Variants in DGKB observed in about 807,000 individuals in gnomAD.
DGKB encodes 90 kDa diacylglycerol kinase.
A neutral mutation model predicts 114.3 loss-of-function variants in DGKB; 67 were observed. The observed-to-expected ratio is 0.59, with a 90% CI of 0.48 to 0.72. DGKB has a LOEUF of 0.72. Ranked by LOEUF, DGKB falls within the 30% of genes least tolerant of loss-of-function variation. The pLI is 0.00. For synonymous variants in DGKB, 398 were observed against 323.1 expected (o/e 1.23, Z -2.49); for missense variants, 907 against 975.2 (o/e 0.93, Z 0.93).
intron 4 of DGKB, among the ~76,000 whole-genome samples, chr7:14,743,330 CTGTT>C (rs751813262): frequency 6.6e-6 from 1 of 152,256 alleles, no homozygotes; most frequent in South Asian, 2.1e-4. Context: ...AGGAGACAAA[CTGTT>C]TGGAAAGCTA....
At chr7:14,349,844 G>A (rs1336315232) in intron 21 of DGKB, among the ~76,000 whole-genome samples, 2 of 152,032 alleles carry the variant, frequency 1.3e-5, no homozygotes, top group African/African-American at 4.8e-5. Context: ...ACTCAAATTT[G>A]TCAGTGAAAA....
rs369641581 is a variant in DGKB at position 14,373,119 on chromosome 7, C to T, written c.1836-27728G>A. Among the ~76,000 whole-genome samples, 21 of 152,218 alleles carry T rather than the reference C, an allele frequency of 1.4e-4. No individual in the cohort carries two copies. In the East Asian group the frequency reaches 1.5e-3, roughly 11 times the overall value. Reference sequence around the variant, plus strand: ...TTCTTGCACATTGAATGACAAAATTCGAGTTAACGGCCACTGTGTCATCTT... The same window carrying T: ...TTCTTGCACATTGAATGACAAAATTTGAGTTAACGGCCACTGTGTCATCTT... On this transcript the variant is annotated intron_variant, in intron 21 of 25. Coordinates refer to ENST00000402815, the MANE Select transcript of DGKB (RefSeq NM_001350709.2).
At chr7:14,298,804 G>T (rs555012546) in intron 23 of DGKB, among the ~76,000 whole-genome samples, 2 of 152,198 alleles carry the variant, frequency 1.3e-5, no homozygotes, top group African/African-American at 4.8e-5. Flanking sequence ...CTGACAAAGG[G>T]CTAATATCCA....
intron 1 of DGKB, among the ~76,000 whole-genome samples, chr7:14,857,248 C>CTGTGTGTTTGTGTGTGTGTGTGTGTGTG (rs1554308182): frequency 4.2e-5 from 1 of 23,538 alleles, no homozygotes; most frequent in African/African-American, 3.6e-4. Flanking sequence ...CAACCCCCTG[C>CTGTGTGTTTGTGTGTGTGTGTGTGTGTG]TGTGTGTGTT....
At chr7:14,295,745 G>A (rs1002817796) in intron 23 of DGKB, among the ~76,000 whole-genome samples, 1 of 152,032 alleles carries the variant, frequency 6.6e-6, no homozygotes, top group Non-Finnish European at 1.5e-5. Context: ...TCGGATACAT[G>A]TGCAGAACAT....
rs973763000 is a variant in DGKB, at chr7:14,299,534, T to C, written c.2122+38981A>G. Among the ~76,000 whole-genome samples the C allele has an allele frequency of 2.6e-5, 4 of 152,282 alleles. No homozygotes were observed. The South Asian group carries it at 6.2e-4, about 24-fold the overall frequency. On this transcript the variant is annotated intron_variant, in intron 23 of 25. Transcript: ENST00000402815. ...CTAAATTAACTTAACACTACAAAGA[T>C]GCTTCATGCAGACCAACAAGAACAA...
At chr7:14,627,664 C>A (rs148201914) in intron 14 of DGKB, among the ~76,000 whole-genome samples, 136 of 151,816 alleles carry the variant, frequency 9.0e-4, no homozygotes, top group African/African-American at 3.2e-3. Flanking sequence ...AGACTTTGGG[C>A]TAGGCGCGGT....
intron 13 of DGKB, among the ~76,000 whole-genome samples, chr7:14,658,108 G>A (rs527310853): frequency 3.3e-5 from 5 of 152,016 alleles, no homozygotes; most frequent in South Asian, 2.1e-4. Context: ...AAGCAAGATC[G>A]GAAGAAGAGG....
intron 21 of DGKB, among the ~76,000 whole-genome samples, chr7:14,424,768 A>G (rs1827243523): frequency 6.6e-6 from 1 of 152,108 alleles, no homozygotes; most frequent in Non-Finnish European, 1.5e-5. Flanking sequence ...GTGAGGCTCA[A>G]GGGTTTGAAA....
At chr7:14,408,358 C>T (rs1824297932) in intron 21 of DGKB, among the ~76,000 whole-genome samples, 2 of 152,028 alleles carry the variant, frequency 1.3e-5, no homozygotes, top group South Asian at 4.1e-4. Flanking sequence ...AAGGACATTT[C>T]TGAAATCAAT....
At chr7:14,393,177 G>C (rs536926957) in intron 21 of DGKB, among the ~76,000 whole-genome samples, 1 of 151,606 alleles carries the variant, frequency 6.6e-6, no homozygotes, top group East Asian at 2.0e-4. Context: ...TTTTAGTAGA[G>C]ACGGGGTTTC....
chr7:14,154,693 A>G (rs1782725837), intron 25 of DGKB, among the ~76,000 whole-genome samples: 1 of 151,902 alleles, frequency 6.6e-6, no homozygotes, highest in African/African-American at 2.4e-5. Context: ...CATAAAAAAA[A>G]AACAAACAAA....
chr7:14,481,149 T>C (rs1361923664), intron 20 of DGKB, among the ~76,000 whole-genome samples: 1 of 151,998 alleles, frequency 6.6e-6, no homozygotes, highest in Non-Finnish European at 1.5e-5. Flanking sequence ...TATAAGTATA[T>C]GCAAATATAT....
At chr7:14,514,956 A>G (rs753277757) in intron 20 of DGKB, among the ~76,000 whole-genome samples, 20 of 152,122 alleles carry the variant, frequency 1.3e-4, no homozygotes, top group Non-Finnish European at 2.9e-4. Context: ...AGGTGGGAGG[A>G]TCACTTGAAC....
intron 1 of DGKB, among the ~76,000 whole-genome samples, chr7:14,912,112 T>C (rs1443902330): frequency 6.6e-6 from 1 of 152,162 alleles, no homozygotes. Flanking sequence ...GAGGCAACTT[T>C]GTTTCCAAGG....
At chr7:14,200,807 G>A (rs1259488140) in intron 23 of DGKB, among the ~76,000 whole-genome samples, 1 of 151,978 alleles carries the variant, frequency 6.6e-6, no homozygotes, top group Non-Finnish European at 1.5e-5. Context: ...CTCTATGGAG[G>A]ATGGTTGGTG....
intron 20 of DGKB, among the ~76,000 whole-genome samples, chr7:14,547,384 G>A (rs1320728794): frequency 1.3e-5 from 2 of 152,204 alleles, no homozygotes; most frequent in African/African-American, 4.8e-5. Context: ...AAATGAAAAT[G>A]TATGACAATT....
chr7:14,743,529 T>C (rs1832855386), intron 4 of DGKB, among the ~76,000 whole-genome samples: 1 of 152,180 alleles, frequency 6.6e-6, no homozygotes, highest in Admixed American at 6.5e-5. Flanking sequence ...AGCTTTTGGA[T>C]GCTACAGAGG....
At chr7:14,217,673 A>G (rs1789220123) in intron 23 of DGKB, among the ~76,000 whole-genome samples, 1 of 151,518 alleles carries the variant, frequency 6.6e-6, no homozygotes, top group Non-Finnish European at 1.5e-5. Context: ...ATGCAAGTGA[A>G]AAAAAAAATC....
Sources: gnomAD v4.1 joint callset for allele counts (sites outside exome capture counted in the v4.1 genomes callset) on GRCh38, gnomAD v4.1.1 for gene constraint, MANE v1.5 for transcripts, NCBI Gene and HGNC (gene_info 2026-07-23, HGNC 2026-07-21) for gene names.